PTPRD: variants seen among roughly 807,000 people sequenced by gnomAD.
The protein encoded by PTPRD is protein tyrosine phosphatase receptor type D, also known as receptor-type tyrosine-protein phosphatase delta.
A neutral mutation model predicts 214.5 loss-of-function variants in PTPRD; 34 were observed. The observed-to-expected ratio is 0.16, with a 90% CI of 0.12 to 0.21. The LOEUF is 0.21. Ranked by LOEUF, PTPRD falls within the 10% of genes least tolerant of loss-of-function variation. PTPRD has a pLI of 1.00. For missense variants in PTPRD, 2,545 were observed against 2,398.7 expected, an observed-to-expected ratio of 1.06 and a Z score of -1.27; for synonymous variants, 1,128 against 845.7, an observed-to-expected ratio of 1.33 and a Z score of -5.79.
intron 4 of PTPRD, among the ~76,000 whole-genome samples, chr9:10,016,658 T>C (rs1462350589): frequency 6.8e-6 from 1 of 146,000 alleles, no homozygotes. Flanking sequence ...CTACTGAAAA[T>C]GCCTCCTGTG....
chr9:9,048,905 C>G (rs549788711), intron 10 of PTPRD, among the ~76,000 whole-genome samples: 43 of 152,230 alleles, frequency 2.8e-4, no homozygotes, highest in African/African-American at 8.9e-4. Flanking sequence ...ATGTCTGTAT[C>G]AAAACATCTC....
chr9:9,100,184 T>C (rs2099789332), intron 10 of PTPRD, among the ~76,000 whole-genome samples: 1 of 152,092 alleles, frequency 6.6e-6, no homozygotes, highest in South Asian at 2.1e-4. Context: ...GGGTAGTGAA[T>C]AAAGAGAGAT....
intron 10 of PTPRD, among the ~76,000 whole-genome samples, chr9:9,070,802 G>C (rs1449807989): frequency 6.6e-6 from 1 of 152,198 alleles, no homozygotes; most frequent in Non-Finnish European, 1.5e-5. Flanking sequence ...AACACTCAAT[G>C]TGCTAAGCAG....
chr9:9,074,017 T>A (rs2099747489), intron 10 of PTPRD, among the ~76,000 whole-genome samples: 1 of 152,080 alleles, frequency 6.6e-6, no homozygotes, highest in Non-Finnish European at 1.5e-5. Flanking sequence ...GTCAAGTGGG[T>A]AGCATAGTGC....
chr9:8,912,006 A>T (rs1466161793), intron 11 of PTPRD, among the ~76,000 whole-genome samples: 2 of 152,206 alleles, frequency 1.3e-5, no homozygotes, highest in Non-Finnish European at 2.9e-5. Flanking sequence ...TAACAGTAAC[A>T]AGTACTGGTA....
chr9:10,099,902 T>C (rs2098534843), intron 3 of PTPRD, among the ~76,000 whole-genome samples: 1 of 151,756 alleles, frequency 6.6e-6, no homozygotes, highest in Non-Finnish European at 1.5e-5. Flanking sequence ...TAAACTAGTA[T>C]AAGACATACT....
chr9:8,584,052 G>T (rs1156447566), intron 14 of PTPRD, among the ~76,000 whole-genome samples: 1 of 152,128 alleles, frequency 6.6e-6, no homozygotes, highest in Non-Finnish European at 1.5e-5. Context: ...TACTTGGGAA[G>T]CTGACACAGG....
chr9:10,143,058 G>T (rs1166670637), intron 3 of PTPRD, among the ~76,000 whole-genome samples: 5 of 152,008 alleles, frequency 3.3e-5, no homozygotes, highest in Admixed American at 2.6e-4. Flanking sequence ...GTCACTCATA[G>T]GTGGGAATTG....
At chr9:9,466,162 A>G (rs2094138333) in intron 8 of PTPRD, among the ~76,000 whole-genome samples, 1 of 152,044 alleles carries the variant, frequency 6.6e-6, no homozygotes, top group Non-Finnish European at 1.5e-5. Flanking sequence ...TACAAAAATT[A>G]GCTAGGCATG....
chr9:9,120,619 C>T (rs894353418), intron 10 of PTPRD, among the ~76,000 whole-genome samples: 15 of 152,196 alleles, frequency 9.9e-5, no homozygotes, highest in Non-Finnish European at 1.5e-4. Flanking sequence ...GGTTCTCAAT[C>T]ATGAAGCAGA....
At chr9:9,346,474 C>T (rs150635697) in intron 9 of PTPRD, among the ~76,000 whole-genome samples, 75 of 152,118 alleles carry the variant, frequency 4.9e-4, no homozygotes, top group African/African-American at 1.4e-3. Context: ...CTCTATATTA[C>T]GATTGTAAGT....
chr9:8,884,504 T>A (rs966641961), intron 11 of PTPRD, among the ~76,000 whole-genome samples: 1 of 152,136 alleles, frequency 6.6e-6, no homozygotes, highest in Admixed American at 6.5e-5. Context: ...GTGATGAGAC[T>A]AGACATGGCT....
chr9:8,674,229 G>T lies in PTPRD; in HGVS notation c.65-37385C>A, dbSNP rs1423274766. Among the ~76,000 whole-genome samples, 4 of 152,000 alleles carry T rather than the reference G, an allele frequency of 2.6e-5. No individual in the cohort carries two copies. The East Asian group carries it at 7.7e-4, about 29-fold the overall frequency. ...AATCCCGGCACTTTGCGAGGCCGAG[G>T]CAGGCAGATCACAAAGTCAAGAGCT... On this transcript the variant is annotated intron_variant, in intron 12 of 45. Transcript: ENST00000381196.
intron 5 of PTPRD, among the ~76,000 whole-genome samples, chr9:9,911,632 A>G (rs1183532226): frequency 6.6e-6 from 1 of 152,148 alleles, no homozygotes; most frequent in Non-Finnish European, 1.5e-5. Flanking sequence ...TCAGACTTCA[A>G]AAAAATGTTG....
intron 3 of PTPRD, among the ~76,000 whole-genome samples, chr9:10,152,705 A>G (rs917320054): frequency 1.3e-5 from 2 of 152,162 alleles, no homozygotes; most frequent in Admixed American, 1.3e-4. Flanking sequence ...CACGCCTGTA[A>G]TCCCAGCTAC....
intron 12 of PTPRD, among the ~76,000 whole-genome samples, chr9:8,721,909 A>G: frequency 6.6e-6 from 1 of 152,198 alleles, no homozygotes; most frequent in East Asian, 1.9e-4. Context: ...CCTCTGCTCC[A>G]ACCTTCTGTT....
intron 5 of PTPRD, among the ~76,000 whole-genome samples, chr9:9,920,453 G>T (rs754385597): frequency 1.3e-5 from 2 of 152,104 alleles, no homozygotes; most frequent in East Asian, 3.8e-4. Flanking sequence ...TCACAGCAGG[G>T]AGGCTTTAGC....
chr9:9,861,858 T>G (rs1234560388), intron 5 of PTPRD, among the ~76,000 whole-genome samples: 1 of 152,174 alleles, frequency 6.6e-6, no homozygotes, highest in African/African-American at 2.4e-5. Context: ...GTATGTTTAT[T>G]ACTCTCCCCC....
chr9:8,764,591 T>G (rs2094591306), intron 11 of PTPRD, among the ~76,000 whole-genome samples: 1 of 150,638 alleles, frequency 6.6e-6, no homozygotes, highest in Admixed American at 6.6e-5. Context: ...AGGTCAGGAG[T>G]TCAAGACTAG....
Sources: allele counts gnomAD v4.1 joint callset (sites outside exome capture counted in the v4.1 genomes callset), GRCh38; gene constraint gnomAD v4.1.1; transcripts MANE v1.5; gene names NCBI Gene and HGNC (gene_info 2026-07-23, HGNC 2026-07-21).